Variants in OXR1 observed in about 807,000 individuals in gnomAD.
OXR1 encodes the protein oxidation resistance 1, also known as oxidation resistance protein 1.
In OXR1, 41 loss-of-function variants were observed where a neutral mutation model predicts 104.6. The observed-to-expected ratio is 0.39, with a 90% confidence interval of 0.31 to 0.51. The LOEUF is 0.51. Ranked by LOEUF, OXR1 falls within the 20% of genes least tolerant of loss-of-function variation. The pLI is 0.77. For synonymous variants in OXR1, 348 were observed against 348.4 expected (o/e 1.00, Z 0.01); for missense variants, 955 against 1,031.9 (o/e 0.93, Z 1.02).
At chr8:106,657,852 C>T (rs1411916802) in intron 3 of OXR1, 2 of 1,239,954 alleles carry the variant, frequency 1.6e-6, no homozygotes, top group Non-Finnish European at 1.0e-6. Flanking sequence ...CTCCTCCTCC[C>T]CGCCTCTTGT....
intron 3 of OXR1, among the ~76,000 whole-genome samples, chr8:106,588,978 CAA>C (rs1229789735): frequency 6.6e-6 from 1 of 152,188 alleles, no homozygotes; most frequent in African/African-American, 2.4e-5. Flanking sequence ...GTCCAACTAA[CAA>C]GAGCGATGTC....
chr8:106,627,968 A>C (rs1038451407), intron 3 of OXR1, among the ~76,000 whole-genome samples: 1 of 152,178 alleles, frequency 6.6e-6, no homozygotes, highest in African/African-American at 2.4e-5. Flanking sequence ...AGAATTCCTA[A>C]CTGGACTCCT....
At chr8:106,592,926 C>T (rs1819209808) in intron 3 of OXR1, among the ~76,000 whole-genome samples, 1 of 152,172 alleles carries the variant, frequency 6.6e-6, no homozygotes, top group South Asian at 2.1e-4. Flanking sequence ...GCTAGCAATA[C>T]TGAACTCCAT....
chr8:106,272,474 C>CGTCAG (rs935054412), intron 1 of OXR1: 20 of 152,272 alleles, frequency 1.3e-4, no homozygotes, highest in African/African-American at 4.8e-4. Context: ...TGTGTGCAAC[C>CGTCAG]GTCAGAAATA....
intron 1 of OXR1, among the ~76,000 whole-genome samples, chr8:106,337,608 G>A (rs1815018620): frequency 6.6e-6 from 1 of 152,110 alleles, no homozygotes; most frequent in African/African-American, 2.4e-5. Context: ...GATGCCTATT[G>A]ATCTGGGTTT....
intron 2 of OXR1, among the ~76,000 whole-genome samples, chr8:106,469,055 G>A (rs12541695): frequency 0.11 from 17,050 of 151,632 alleles, 1,229 homozygotes; most frequent in East Asian, 0.27. Flanking sequence ...TGTAGTATAT[G>A]TATAGCTATC....
chr8:106,339,514 AAAAAAATAT>A (rs1815123113), intron 1 of OXR1, among the ~76,000 whole-genome samples: 15 of 36,396 alleles, frequency 4.1e-4, no homozygotes, highest in East Asian at 2.0e-3. Flanking sequence ...AAAAAAAAAA[AAAAAAATAT>A]ATATATATAT....
intron 2 of OXR1, among the ~76,000 whole-genome samples, chr8:106,395,392 A>G (rs976200080): frequency 2.6e-5 from 4 of 152,168 alleles, no homozygotes; most frequent in Non-Finnish European, 5.9e-5. Context: ...GGGAGGCCTC[A>G]GAATCATCAT....
At chr8:106,288,050 T>G (rs542075661) in intron 1 of OXR1, among the ~76,000 whole-genome samples, 1 of 152,300 alleles carries the variant, frequency 6.6e-6, no homozygotes, top group Admixed American at 6.5e-5. Flanking sequence ...ATGAAGCATA[T>G]CCTCTTGCCA....
chr8:106,532,155 G>A (rs1453227), intron 3 of OXR1, among the ~76,000 whole-genome samples: 25,184 of 152,210 alleles, frequency 0.17, 2,164 homozygotes, highest in East Asian at 0.24. Flanking sequence ...TACTCTTGGC[G>A]TCTTAGGAAC....
chr8:106,421,394 AATAAGC>A (rs1818899710), intron 2 of OXR1, among the ~76,000 whole-genome samples: 2 of 152,216 alleles, frequency 1.3e-5, no homozygotes, highest in Admixed American at 1.3e-4. Context: ...AGTTTAAAAA[AATAAGC>A]ATTTATAATT....
chr8:106,448,486 T>C (rs1341935899), intron 2 of OXR1, among the ~76,000 whole-genome samples: 1 of 152,166 alleles, frequency 6.6e-6, no homozygotes, highest in Non-Finnish European at 1.5e-5. Context: ...ATTAAGCACA[T>C]ATATTTCAGT....
At chr8:106,677,259 T>G (rs941629451) in intron 3 of OXR1, among the ~76,000 whole-genome samples, 2 of 152,128 alleles carry the variant, frequency 1.3e-5, no homozygotes, top group Non-Finnish European at 2.9e-5. Context: ...AATCGAATTT[T>G]ATTTTAATAC....
intron 2 of OXR1, among the ~76,000 whole-genome samples, chr8:106,405,202 A>AGT (rs58338664): frequency 0.034 from 669 of 19,808 alleles, 7 homozygotes; most frequent in African/African-American, 0.048. Context: ...ATATATATAT[A>AGT]GTGTGTGTGT....
At chr8:106,657,886 T>G (rs1267011109) in intron 3 of OXR1, 1 of 1,016,218 alleles carries the variant, frequency 9.8e-7, no homozygotes. Context: ...CCGCCTCCCC[T>G]GGGTCAGGTC....
rs565988237 is a variant in OXR1 at position 106,417,098 on chromosome 8, G to T, written c.23+57462G>T. Among the ~76,000 whole-genome samples the T allele has an allele frequency of 4.1e-3, 623 of 152,162 alleles. 3 individuals are homozygous for T. The highest frequency in any genetic ancestry group is 0.014 in the African/African-American group (591 of 41,526). Reference sequence around the variant, plus strand: ...CTGTGTGATTAATAAATTTTTTAATGTATTATGTTTAACACACATATATTG... The same window carrying T: ...CTGTGTGATTAATAAATTTTTTAATTTATTATGTTTAACACACATATATTG... On this transcript the variant is annotated intron_variant, in intron 2 of 16. Transcript: ENST00000517566.
intron 3 of OXR1, among the ~76,000 whole-genome samples, chr8:106,544,139 C>A (rs10087813): frequency 6.6e-6 from 1 of 151,752 alleles, no homozygotes; most frequent in African/African-American, 2.4e-5. Flanking sequence ...TAAATTAACA[C>A]TCTGAATGTT....
chr8:106,473,254 G>A (rs1821615796), intron 2 of OXR1, among the ~76,000 whole-genome samples: 1 of 151,794 alleles, frequency 6.6e-6, no homozygotes, highest in East Asian at 1.9e-4. Flanking sequence ...CCACAACTGG[G>A]CAACTGGAAA....
intron 3 of OXR1, among the ~76,000 whole-genome samples, chr8:106,591,451 A>AAG (rs1258570268): frequency 6.6e-6 from 1 of 152,004 alleles, no homozygotes; most frequent in Non-Finnish European, 1.5e-5. Flanking sequence ...TAATTAAAAA[A>AAG]AAAAAGAACT....
Sources: gnomAD v4.1 joint callset for allele counts (sites outside exome capture counted in the v4.1 genomes callset) on GRCh38, gnomAD v4.1.1 for gene constraint, MANE v1.5 for transcripts, NCBI Gene and HGNC (gene_info 2026-07-23, HGNC 2026-07-21) for gene names.